IL34: variants seen among roughly 807,000 people sequenced by gnomAD.
IL34 encodes the protein interleukin 34.
In IL34, 17 loss-of-function variants were observed where a neutral mutation model predicts 25.3. That is an observed-to-expected ratio of 0.67 (90% confidence interval 0.46 to 1.01). The LOEUF (loss-of-function observed/expected upper bound fraction) is 1.01. IL34 is among the 50% of genes least tolerant of loss of function. The pLI, the probability that IL34 is intolerant of heterozygous loss-of-function variation, is 0.00. For synonymous variants in IL34, 174 were observed against 140.9 expected, an observed-to-expected ratio of 1.23 and a Z score of -1.66; for missense variants, 368 against 312.9, an observed-to-expected ratio of 1.18 and a Z score of -1.33.
chr16:70,636,984 A>G (rs1597765764), intron 1 of IL34, among the ~76,000 whole-genome samples: 1 of 151,668 alleles, frequency 6.6e-6, no homozygotes, highest in East Asian at 2.0e-4. Context: ...GGTTCATGCC[A>G]TTCTCCTGCC....
intron 1 of IL34, among the ~76,000 whole-genome samples, chr16:70,600,409 A>G (rs2050898128): frequency 6.6e-6 from 1 of 152,196 alleles, no homozygotes; most frequent in Non-Finnish European, 1.5e-5. Context: ...AGAGAACTGA[A>G]TCCCATGTCT....
rs2052371158 is a variant in IL34 at position 70,660,244 on chromosome 16, A to G, written c.*57A>G. ...GCCAGACCAGCTCCCACAGGAGTTCAACTGGGTCTGAGACTTCAAGGGGTG... is the reference window on the plus strand; with the variant it reads ...GCCAGACCAGCTCCCACAGGAGTTCGACTGGGTCTGAGACTTCAAGGGGTG... On this transcript the variant is annotated 3_prime_UTR_variant, in exon 6 of 6. Coordinates refer to ENST00000288098, the MANE Select transcript of IL34 (RefSeq NM_001393494.1). 1 of 1,461,678 alleles carries G rather than the reference A, an allele frequency of 6.8e-7. No individual in the cohort carries two copies. The highest frequency in any genetic ancestry group is 2.4e-5 in the East Asian group (1 of 42,392). The allele number at this position is 1,461,678 out of a possible 1,614,324, so 90.5% of individuals were successfully genotyped here. A position where few individuals can be genotyped will look rare whatever the true frequency, so the allele number is the denominator to read the frequency against.
intron 1 of IL34, among the ~76,000 whole-genome samples, chr16:70,620,842 G>T (rs1257106981): frequency 6.6e-6 from 1 of 152,156 alleles, no homozygotes. Flanking sequence ...TTTAGGTCAG[G>T]TGTGAGTTGA....
At chr16:70,624,942 C>G (rs200450301) in intron 1 of IL34, among the ~76,000 whole-genome samples, 119 of 151,744 alleles carry the variant, frequency 7.8e-4, no homozygotes, top group Non-Finnish European at 1.3e-4. Context: ...AGATTTGGTA[C>G]GAGTTGCATT....
chr16:70,651,245 C>T (rs994583034), intron 1 of IL34, among the ~76,000 whole-genome samples: 2 of 152,068 alleles, frequency 1.3e-5, no homozygotes, highest in East Asian at 1.9e-4. Flanking sequence ...GGGTACCTAG[C>T]GCAGGGCAAA....
chr16:70,635,638 G>A (rs533458954), intron 1 of IL34, among the ~76,000 whole-genome samples: 2 of 152,252 alleles, frequency 1.3e-5, no homozygotes, highest in Admixed American at 6.5e-5. Flanking sequence ...CCCACGCTGG[G>A]TTTCTTTCTT....
At chr16:70,589,245 A>C (rs2050726189) in intron 1 of IL34, among the ~76,000 whole-genome samples, 1 of 151,964 alleles carries the variant, frequency 6.6e-6, no homozygotes, top group African/African-American at 2.4e-5. Flanking sequence ...TAAAATGGTT[A>C]ATTTTTTTTT....
intron 1 of IL34, among the ~76,000 whole-genome samples, chr16:70,602,486 T>C (rs1002807554): frequency 6.6e-6 from 1 of 151,820 alleles, no homozygotes; most frequent in Non-Finnish European, 1.5e-5. Flanking sequence ...TGAGCCACGA[T>C]CATGCCACTG....
upstream of IL34, among the ~76,000 whole-genome samples, chr16:70,644,233 CTT>C (rs1278059849): frequency 6.6e-6 from 1 of 152,174 alleles, no homozygotes; most frequent in African/African-American, 2.4e-5. Flanking sequence ...GTGGAAATAA[CTT>C]TTTTGTTTTT....
intron 1 of IL34, among the ~76,000 whole-genome samples, chr16:70,622,892 T>G (rs561873223): frequency 6.6e-6 from 1 of 152,140 alleles, no homozygotes; most frequent in African/African-American, 2.4e-5. Flanking sequence ...TATGCAGACA[T>G]GAGGGCTAGG....
chr16:70,626,382 G>A (rs1340200311), intron 1 of IL34, among the ~76,000 whole-genome samples: 1 of 152,070 alleles, frequency 6.6e-6, no homozygotes, highest in Non-Finnish European at 1.5e-5. Context: ...CACGATGTGT[G>A]TGGGTTTGTT....
upstream of IL34, among the ~76,000 whole-genome samples, chr16:70,644,854 GAGGAAGAGGAGGAAGT>G (rs1181596811): frequency 2.2e-5 from 3 of 138,602 alleles, no homozygotes; most frequent in Non-Finnish European, 4.6e-5. Context: ...GAGGGAAGAG[GAGGAAGAGGAGGAAGT>G]AGGAAGAGGA....
At position 70,620,416 on chromosome 16, in the gene IL34, G is replaced by A. The variant is rs1313146886; in HGVS notation, c.-400-26132G>A. On this transcript the variant is annotated intron_variant, in intron 1 of 6. Coordinates refer to the IL34 transcript ENST00000429149. ...GGAGGGCTAGTCACGCAACGAAACT[G>A]TAAGCCCCACCAGGTGTGAGGAGGG... Among the ~76,000 whole-genome samples, 1,128 of 150,386 alleles carry A rather than the reference G, an allele frequency of 7.5e-3. 12 individuals are homozygous for A. Among genetic ancestry groups the A allele is most frequent in the African/African-American group, 0.026 (1,031 of 40,028 alleles).
At chr16:70,648,683 G>C (rs1419726639) in intron 1 of IL34, among the ~76,000 whole-genome samples, 1 of 151,884 alleles carries the variant, frequency 6.6e-6, no homozygotes, top group South Asian at 2.1e-4. Flanking sequence ...GGGAGAGGGA[G>C]AGCAGCAGAT....
intron 1 of IL34, among the ~76,000 whole-genome samples, chr16:70,616,401 G>C (rs1403034928): frequency 6.6e-6 from 1 of 152,080 alleles, no homozygotes; most frequent in Non-Finnish European, 1.5e-5. Flanking sequence ...GAAAAACAGT[G>C]ACTCAATGTA....
intron 4 of IL34, 29 bp downstream of exon 4, chr16:70,657,150 GGT>G (rs759042156): frequency 5.5e-5 from 88 of 1,603,104 alleles, no homozygotes; most frequent in South Asian, 1.0e-4. Context: ...TGGCAGGTGG[GGT>G]GTGTGTGTGT....
At chr16:70,623,015 TG>T (rs2051313903) in intron 1 of IL34, among the ~76,000 whole-genome samples, 1 of 152,026 alleles carries the variant, frequency 6.6e-6, no homozygotes, top group South Asian at 2.1e-4. Flanking sequence ...GGAGTTGTTT[TG>T]TAAGGGATTG....
intron 1 of IL34, among the ~76,000 whole-genome samples, chr16:70,629,455 AC>A (rs1179020423): frequency 6.6e-6 from 1 of 152,026 alleles, no homozygotes; most frequent in Non-Finnish European, 1.5e-5. Context: ...CGGTTCCAGA[AC>A]CCCCCAAAGA....
intron 1 of IL34, among the ~76,000 whole-genome samples, chr16:70,590,843 C>A (rs539812687): frequency 5.3e-5 from 8 of 152,122 alleles, no homozygotes; most frequent in Non-Finnish European, 1.2e-4. Context: ...CCTCTCCCTG[C>A]CCCCGCCCCT....
Sources: allele counts gnomAD v4.1 joint callset (sites outside exome capture counted in the v4.1 genomes callset), GRCh38; gene constraint gnomAD v4.1.1; transcripts MANE v1.5; gene names NCBI Gene and HGNC (gene_info 2026-07-23, HGNC 2026-07-21).